SVIL: variants seen among roughly 807,000 people sequenced by gnomAD.
The protein encoded by SVIL is archvillin.
SVIL carries 101 observed loss-of-function variants against 240.4 expected under a neutral mutation model. The observed-to-expected ratio is 0.42, with a 90% CI of 0.36 to 0.50. SVIL has a LOEUF of 0.50. Ranked by LOEUF, SVIL falls within the 20% of genes least tolerant of loss-of-function variation. SVIL has a pLI of 0.01. For missense variants in SVIL, 2,512 were observed against 2,818.7 expected, an observed-to-expected ratio of 0.89 and a Z score of 2.46; for synonymous variants, 999 against 1,100.0, an observed-to-expected ratio of 0.91 and a Z score of 1.82.
intron 2 of SVIL, among the ~76,000 whole-genome samples, chr10:29,676,377 AGTGT>A (rs112042524): frequency 3.3e-5 from 5 of 151,228 alleles, no homozygotes; most frequent in African/African-American, 7.3e-5. Flanking sequence ...GAAAAAAAAG[AGTGT>A]GTGTGTGTGT....
rs187663888 is a variant in SVIL at position 29,555,846 on chromosome 10, C to T, written c.-50-738G>A. 2.4e-3 allele frequency among the ~76,000 whole-genome samples: 361 copies of T among 152,338 alleles called. 3 individuals are homozygous for T. Among genetic ancestry groups the T allele is most frequent in the Non-Finnish European group, 1.5e-3 (100 of 68,034 alleles). ...CATGAACTCACAGCCGCTTCTCCTC[C>T]ACCCTGTCACGGAATTTGTCAATGG... On this transcript the variant is annotated intron_variant, in intron 3 of 37. Coordinates refer to ENST00000355867, the MANE Select transcript of SVIL (RefSeq NM_021738.3).
chr10:29,484,852 G>C lies in SVIL; in HGVS notation c.4780-21C>G. 1.9e-6 allele frequency: 3 copies of C among 1,586,072 alleles called. No individual in the cohort carries two copies. The highest frequency in any genetic ancestry group is 2.6e-6 in the Non-Finnish European group (3 of 1,166,000). On this transcript the variant is annotated intron_variant, in intron 26 of 37. Transcript: ENST00000355867. This position sits in a 1 kb window ranked among gnomAD's most constrained non-coding sequence, Gnocchi z 4.7. Reference sequence around the variant, plus strand: ...AGTACCTGGGAGAAATGGCACAAAAGAATTTGTTAACTTCAAGAACATGCA... The same window carrying C: ...AGTACCTGGGAGAAATGGCACAAAACAATTTGTTAACTTCAAGAACATGCA...
At chr10:29,661,028 G>A (rs1264739532) in intron 2 of SVIL, among the ~76,000 whole-genome samples, 1 of 152,116 alleles carries the variant, frequency 6.6e-6, no homozygotes, top group Non-Finnish European at 1.5e-5. Flanking sequence ...TTAGCCAGGT[G>A]TGGTGGCACA....
chr10:29,647,330 T>C (rs1450918383), intron 3 of SVIL: 1 of 152,104 alleles, frequency 6.6e-6, no homozygotes, highest in Non-Finnish European at 1.5e-5. Flanking sequence ...GCTTTCTTTT[T>C]CTTTTTTTTC....
Position 29,523,625 on chromosome 10 carries a change from T to C in SVIL, c.2989A>G (p.Arg997Gly), listed in dbSNP as rs763000752. Residue 997 changes from arginine to glycine, a missense_variant, in exon 15 of 38, where the codon AGA becomes GGA. Coordinates refer to ENST00000355867, the MANE Select transcript of SVIL (RefSeq NM_021738.3). ...SHKESKYAVP[R>G]RGSLERANPP... is the part of the protein sequence containing the mutation. ...TTCGCCCGTTCCAGGCTTCCTCTTC[T>C]GGGAACAGCATATTTAGATTCCTTA... 2 of 1,614,102 alleles carry C rather than the reference T, an allele frequency of 1.2e-6. No individual in the cohort carries two copies. The highest frequency in any genetic ancestry group is 1.1e-5 in the South Asian group (1 of 91,086).
At chr10:29,564,189 A>C (rs1481478121) in intron 2 of SVIL, among the ~76,000 whole-genome samples, 1 of 152,166 alleles carries the variant, frequency 6.6e-6, no homozygotes, top group East Asian at 1.9e-4. Flanking sequence ...GGAGAGAGGC[A>C]CACATGTCTG....
chr10:29,638,458 C>A (rs1314126055), upstream of SVIL, among the ~76,000 whole-genome samples: 5 of 150,560 alleles, frequency 3.3e-5, no homozygotes, highest in South Asian at 2.1e-4. Context: ...AAGGGTGAAA[C>A]TCTGTCTCAA....
intron 17 of SVIL, among the ~76,000 whole-genome samples, chr10:29,507,274 C>T (rs1564536992): frequency 6.6e-6 from 1 of 152,188 alleles, no homozygotes; most frequent in Non-Finnish European, 1.5e-5. Context: ...ACAACATCCT[C>T]ACTGAGCTGG....
intron 5 of SVIL, among the ~76,000 whole-genome samples, 199 bp downstream of exon 5, chr10:29,554,584 A>C (rs1438593339): frequency 6.6e-6 from 1 of 152,180 alleles, no homozygotes; most frequent in East Asian, 1.9e-4. Context: ...TGAGCCCAGG[A>C]GTTAAGGCTG....
chr10:29,574,284 T>C (rs1366053624), intron 1 of SVIL, among the ~76,000 whole-genome samples: 1 of 152,184 alleles, frequency 6.6e-6, no homozygotes, highest in Non-Finnish European at 1.5e-5. Flanking sequence ...GGTAAAACTG[T>C]GTGCCTGGGA....
chr10:29,622,393 G>A (rs1957696203), intron 1 of SVIL, among the ~76,000 whole-genome samples: 1 of 151,640 alleles, frequency 6.6e-6, no homozygotes, highest in South Asian at 2.1e-4. Flanking sequence ...CATCCCGCCC[G>A]GCTCCACACA....
Position 29,481,574 on chromosome 10 carries a change from G to A in SVIL, c.5100+10C>T, listed in dbSNP as rs760552738. The stretch of plus-strand genomic sequence containing the variant: ...AAGCCCCGAGTTTTGAGGCTTGGTC[G>A]CCGGAATACCTTGTGCTGGGCAAGT... On this transcript the variant is annotated intron_variant, in intron 28 of 37. Transcript: ENST00000355867. 1.9e-5 allele frequency: 31 copies of A among 1,612,306 alleles called. No homozygotes were observed. Among genetic ancestry groups the A allele is most frequent in the East Asian group, 6.7e-5 (3 of 44,870 alleles).
intron 1 of SVIL, among the ~76,000 whole-genome samples, chr10:29,701,205 A>G (rs894951593): frequency 2.0e-5 from 3 of 151,940 alleles, no homozygotes; most frequent in African/African-American, 7.3e-5. Context: ...GTCCACAGCC[A>G]AAGAGATTCC....
intron 1 of SVIL, among the ~76,000 whole-genome samples, chr10:29,582,214 G>A (rs1436080835): frequency 6.6e-6 from 1 of 152,202 alleles, no homozygotes; most frequent in Non-Finnish European, 1.5e-5. Context: ...AATGGTAAAT[G>A]TCATGGTGTG....
intron 3 of SVIL, among the ~76,000 whole-genome samples, chr10:29,646,119 T>C (rs1352640021): frequency 6.6e-6 from 1 of 152,174 alleles, no homozygotes; most frequent in Admixed American, 6.5e-5. Flanking sequence ...GATAAATATT[T>C]CTTGAACGAA....
intron 3 of SVIL, among the ~76,000 whole-genome samples, chr10:29,652,936 C>G (rs1248920427): frequency 6.6e-6 from 1 of 150,964 alleles, no homozygotes; most frequent in African/African-American, 2.4e-5. Flanking sequence ...TAGATACTGT[C>G]CTTTATGACA....
chr10:29,462,274 C>A lies in SVIL; in HGVS notation c.6402+3G>T. ...CCTTCATAGGGCAGGAAAGCGTGCT[C>A]ACCATCTCTGTGATCTCAGCGATGT... On this transcript the variant is annotated splice_donor_region_variant and intron_variant, in intron 36 of 37. Transcript: ENST00000355867. The A allele has an allele frequency of 6.2e-7, 1 of 1,613,998 alleles. No individual in the cohort carries two copies. The highest frequency in any genetic ancestry group is 8.5e-7 in the Non-Finnish European group (1 of 1,179,960).
At chr10:29,485,263 A>G (rs1378938757) in intron 26 of SVIL, among the ~76,000 whole-genome samples, 3 of 151,754 alleles carry the variant, frequency 2.0e-5, no homozygotes, top group Non-Finnish European at 4.4e-5. Flanking sequence ...TCTCTCCAGT[A>G]CACAATTCCA....
chr10:29,627,096 G>A (rs929492083), intron 1 of SVIL, among the ~76,000 whole-genome samples: 1 of 152,068 alleles, frequency 6.6e-6, no homozygotes, highest in Admixed American at 6.6e-5. Context: ...GAATGATTAT[G>A]AAGCCATCAG....
Sources: gnomAD v4.1 joint callset for allele counts (sites outside exome capture counted in the v4.1 genomes callset) on GRCh38, gnomAD v4.1.1 for gene constraint, Gnocchi (gnomAD v3.1) non-coding constraint, MANE v1.5 for transcripts, NCBI Gene and HGNC (gene_info 2026-07-23, HGNC 2026-07-21) for gene names.